Variants in TECRL observed in about 807,000 individuals in gnomAD.
The protein encoded by TECRL is trans-2,3-enoyl-CoA reductase-like.
TECRL carries 63 observed loss-of-function variants against 52.8 expected under a neutral mutation model. That is an observed-to-expected ratio of 1.19 (90% CI 0.97 to 1.47). The LOEUF is 1.47. Ranked by LOEUF, TECRL falls within the 40% of genes most tolerant of loss-of-function variation. The probability of loss-of-function intolerance (pLI) is 0.00; values close to 1 mark genes in which losing one functional copy is unlikely to be tolerated. For missense variants in TECRL, 482 were observed against 429.6 expected (o/e 1.12, Z -1.08); for synonymous variants, 164 against 141.9 (o/e 1.16, Z -1.10).
At chr4:64,365,440 C>A (rs1431740659) in intron 2 of TECRL, among the ~76,000 whole-genome samples, 1 of 152,020 alleles carries the variant, frequency 6.6e-6, no homozygotes, top group African/African-American at 2.4e-5. Context: ...GGAAGTCAAA[C>A]TATCTCTCTT....
At chr4:64,326,491 A>C (rs1010599538) in intron 3 of TECRL, among the ~76,000 whole-genome samples, 3 of 152,108 alleles carry the variant, frequency 2.0e-5, no homozygotes, top group Admixed American at 2.0e-4. Flanking sequence ...GACTTGCAGG[A>C]CAAGTGATCA....
intron 9 of TECRL, 148 bp from the exon 10 acceptor site, chr4:64,281,707 CA>C (rs1938051063): frequency 3.8e-6 from 2 of 521,130 alleles, no homozygotes; most frequent in Non-Finnish European, 6.9e-6. Context: ...GCAAATTACT[CA>C]GAAGAGACCC....
At chr4:64,338,440 A>G (rs1335696817) in intron 2 of TECRL, among the ~76,000 whole-genome samples, 2 of 152,246 alleles carry the variant, frequency 1.3e-5, no homozygotes, top group African/African-American at 2.4e-5. Context: ...ATGGGATCTA[A>G]TTAAACTCAA....
In TECRL at chr4:64,314,689, A is replaced by G. The variant is rs1717355942; in HGVS notation, c.510T>C (p.Asp170=). The stretch of plus-strand genomic sequence containing the variant: ...GTAATCTTCTAGCACTCTCTTTTCC[A>G]TCATATATACATGGGATCCTCAAAT... ...LFYLRIPCIY[D]GKESARRLRH... is the part of the protein sequence containing the mutation. Residue 170 remains aspartate (D), a synonymous_variant, in exon 5 of 12, where the codon GAT becomes GAC. Coordinates refer to ENST00000381210, the MANE Select transcript of TECRL (RefSeq NM_001010874.5). The G allele has an allele frequency of 1.2e-6, 2 of 1,611,540 alleles. No individual in the cohort carries two copies. Among genetic ancestry groups the G allele is most frequent in the East Asian group, 2.2e-5 (1 of 44,720 alleles).
At chr4:64,311,583 AT>A (rs1252836026) in intron 5 of TECRL, among the ~76,000 whole-genome samples, 1 of 152,202 alleles carries the variant, frequency 6.6e-6, no homozygotes. Context: ...TCAAGCTATG[AT>A]TTCTCTATAT....
At chr4:64,300,492 C>T (rs1723952824) in intron 7 of TECRL, among the ~76,000 whole-genome samples, 1 of 149,556 alleles carries the variant, frequency 6.7e-6, no homozygotes, top group Non-Finnish European at 1.5e-5. Context: ...ACTTGCCTGA[C>T]CTTAAAATAA....
chr4:64,391,651 A>G (rs1723557436), intron 1 of TECRL, among the ~76,000 whole-genome samples: 1 of 151,874 alleles, frequency 6.6e-6, no homozygotes, highest in African/African-American at 2.4e-5. Context: ...AATATTATTG[A>G]CTAGAGATCC....
chr4:64,320,450 A>G (rs1717822931), intron 4 of TECRL, among the ~76,000 whole-genome samples: 1 of 151,980 alleles, frequency 6.6e-6, no homozygotes, highest in Admixed American at 6.6e-5. Context: ...CATTTAATAG[A>G]ACTGACTCAT....
intron 2 of TECRL, among the ~76,000 whole-genome samples, chr4:64,343,116 G>A (rs1719706443): frequency 6.6e-6 from 1 of 152,104 alleles, no homozygotes; most frequent in South Asian, 2.1e-4. Flanking sequence ...TGATGAAAAT[G>A]TGTGTAAGAA....
chr4:64,345,783 G>A (rs1719911882), intron 2 of TECRL, among the ~76,000 whole-genome samples: 3 of 151,548 alleles, frequency 2.0e-5, no homozygotes, highest in Admixed American at 2.0e-4. Context: ...CCTTTCTCCT[G>A]TGTGGATTAA....
At chr4:64,390,629 G>T (rs1354438050) in intron 1 of TECRL, among the ~76,000 whole-genome samples, 1 of 151,656 alleles carries the variant, frequency 6.6e-6, no homozygotes, top group Non-Finnish European at 1.5e-5. Flanking sequence ...TTGATTATTT[G>T]GAGTCATTGC....
At chr4:64,333,619 T>C (rs565226408) in intron 2 of TECRL, among the ~76,000 whole-genome samples, 1 of 152,308 alleles carries the variant, frequency 6.6e-6, no homozygotes, top group African/African-American at 2.4e-5. Flanking sequence ...GAAGTATTCT[T>C]TGACTTTAAA....
intron 3 of TECRL, among the ~76,000 whole-genome samples, chr4:64,323,124 G>A (rs1718021790): frequency 6.6e-6 from 1 of 151,918 alleles, no homozygotes; most frequent in Non-Finnish European, 1.5e-5. Context: ...TTTAGGACAG[G>A]TGTGAAGGCT....
intron 5 of TECRL, among the ~76,000 whole-genome samples, chr4:64,311,241 A>C (rs1048191531): frequency 6.6e-6 from 1 of 152,198 alleles, no homozygotes; most frequent in Admixed American, 6.5e-5. Context: ...ATTAATTCGT[A>C]AAAACAAAAC....
intron 5 of TECRL, among the ~76,000 whole-genome samples, chr4:64,310,201 C>T (rs952028137): frequency 6.6e-6 from 1 of 152,168 alleles, no homozygotes; most frequent in African/African-American, 2.4e-5. Flanking sequence ...GTTATGCTCA[C>T]ACCTGTCCCA....
Position 64,280,028 on chromosome 4 carries a change from G to T in TECRL, c.*44C>A. The T allele has an allele frequency of 6.5e-7, 1 of 1,546,828 alleles. No individual in the cohort carries two copies. Among genetic ancestry groups the T allele is most frequent in the East Asian group, 2.3e-5 (1 of 43,148 alleles). On this transcript the variant is annotated 3_prime_UTR_variant, in exon 12 of 12. Transcript: ENST00000381210. ...TATCCTTAACTAAGTCTTATTTATT[G>T]AATTTATATGTTGCTGTTTTCTATA...
chr4:64,328,453 T>C, intron 3 of TECRL, 59 bp downstream of exon 3: 1 of 1,450,612 alleles, frequency 6.9e-7, no homozygotes, highest in Middle Eastern at 1.9e-4. Context: ...ATGTCAGCTT[T>C]TGAAAATAGA....
chr4:64,293,187 G>A (rs1031639248), intron 8 of TECRL, among the ~76,000 whole-genome samples: 5 of 152,148 alleles, frequency 3.3e-5, no homozygotes, highest in African/African-American at 1.2e-4. Flanking sequence ...AAGAATCAGT[G>A]TCTACACACA....
intron 2 of TECRL, among the ~76,000 whole-genome samples, chr4:64,366,957 A>G (rs1438881112): frequency 1.3e-5 from 2 of 152,166 alleles, no homozygotes; most frequent in Non-Finnish European, 2.9e-5. Context: ...AGCACTATTC[A>G]CAATAGCAAA....
Sources: gnomAD v4.1 joint callset for allele counts (sites outside exome capture counted in the v4.1 genomes callset) on GRCh38, gnomAD v4.1.1 for gene constraint, MANE v1.5 for transcripts, NCBI Gene and HGNC (gene_info 2026-07-23, HGNC 2026-07-21) for gene names.